ZNF469: variants seen among roughly 807,000 people sequenced by gnomAD.
ZNF469 encodes zinc finger protein 469.
In ZNF469, 1 loss-of-function variant was observed where a neutral mutation model predicts 1.0. That is an observed-to-expected ratio of 1.00 (90% confidence interval 0.35 to 4.73). The LOEUF (loss-of-function observed/expected upper bound fraction) is 4.73. Among genes scored for constraint, ZNF469 ranks in the 30% most tolerant of loss-of-function variants. The pLI is 0.16. For synonymous variants in ZNF469, 2,703 were observed against 2,363.4 expected, an observed-to-expected ratio of 1.14 and a Z score of -4.17; for missense variants, 6,100 against 5,356.3, an observed-to-expected ratio of 1.14 and a Z score of -4.33.
At position 88,395,789 on chromosome 16, in the gene ZNF469, C is replaced by T. The variant is rs189601216; in HGVS notation, c.-192+12535C>T. Among the ~76,000 whole-genome samples the T allele has an allele frequency of 5.3e-5, 8 of 152,356 alleles. No individual in the cohort carries two copies. The South Asian group carries it at 1.0e-3, about 20-fold the overall frequency. On this transcript the variant is annotated intron_variant, in intron 1 of 2. Transcript: ENST00000565624. Reference sequence around the variant, plus strand: ...TGGGCCATTCCACAGCCAGTAAGAGCTGCCACCATGCGGGGTGCACATGGC... The same window carrying T: ...TGGGCCATTCCACAGCCAGTAAGAGTTGCCACCATGCGGGGTGCACATGGC...
At position 88,436,738 on chromosome 16, in the gene ZNF469, C is replaced by G. The variant is rs764139968; in HGVS notation, c.9268C>G (p.Arg3090Gly). The G allele has an allele frequency of 5.2e-5, 81 of 1,548,460 alleles. 1 individual carries two copies. The South Asian group carries it at 9.0e-4, about 17-fold the overall frequency. Residue 3090 changes from arginine to glycine, a missense_variant, in exon 3 of 3, where the codon CGA (arginine) becomes GGA (glycine). Arg to Gly is a moderately radical substitution (Grantham distance 125). Transcript: ENST00000565624. ...GGCGAGCTCACAGGGGCCACAGAGC[C>G]GAAGGACAGAGGAGGCTGCAGGGGC... ...GTASSQGPQSRRTEEAAGAGR... is the reference protein window; with the variant it reads ...GTASSQGPQSGRTEEAAGAGR...
At chr16:88,337,729 C>A in the ZNF469 span, among the ~76,000 whole-genome samples, 4 of 152,176 alleles carry the variant, frequency 2.6e-5, no homozygotes, top group Non-Finnish European at 5.9e-5. Flanking sequence ...GGCAGCTCGC[C>A]GCAGCTGTGA....
rs4075519 is a variant in ZNF469, at chr16:88,389,816, T to A, written c.-192+6562T>A. Among the ~76,000 whole-genome samples, 30 of 151,656 alleles carry A rather than the reference T, an allele frequency of 2.0e-4. No homozygotes were observed. The South Asian group carries it at 4.4e-3, about 22-fold the overall frequency. On this transcript the variant is annotated intron_variant, in intron 1 of 2. Coordinates refer to ENST00000565624, the MANE Select transcript of ZNF469 (RefSeq NM_001367624.2). Reference sequence around the variant, plus strand: ...GCTGTGTCTTTGAACGACAGCGCAGTCCCCCAGGAGGCTCCCCCGCTGTGC... The same window carrying A: ...GCTGTGTCTTTGAACGACAGCGCAGACCCCCAGGAGGCTCCCCCGCTGTGC...
the ZNF469 span, among the ~76,000 whole-genome samples, chr16:88,262,615 C>T: frequency 6.6e-6 from 1 of 152,120 alleles, no homozygotes; most frequent in African/African-American, 2.4e-5. The surrounding 1 kb of genome is among the most constrained non-coding windows in gnomAD (Gnocchi z 4.3). Context: ...GAGACCCCAC[C>T]ACCTGGGGGG....
chr16:88,353,958 C>T, the ZNF469 span, among the ~76,000 whole-genome samples: 5 of 152,220 alleles, frequency 3.3e-5, no homozygotes, highest in African/African-American at 9.6e-5. Flanking sequence ...TCCTCACATC[C>T]GCCGTGAGGG....
At chr16:88,330,835 T>G in the ZNF469 span, among the ~76,000 whole-genome samples, 1 of 152,212 alleles carries the variant, frequency 6.6e-6, no homozygotes, top group South Asian at 2.1e-4. Context: ...CCTATGAGCC[T>G]CATCCACAAA....
At position 88,385,951 on chromosome 16, in the gene ZNF469, C is replaced by T. The variant is rs775553565; in HGVS notation, c.-192+2697C>T. On this transcript the variant is annotated intron_variant, in intron 1 of 2. Coordinates refer to ENST00000565624, the MANE Select transcript of ZNF469 (RefSeq NM_001367624.2). ...GCAGCCCATGGGTTTCAGGAGACTCCGTGGGACCTGTGGAGAGGGTTCTGA... is the reference window on the plus strand; with the variant it reads ...GCAGCCCATGGGTTTCAGGAGACTCTGTGGGACCTGTGGAGAGGGTTCTGA... 2.6e-5 allele frequency among the ~76,000 whole-genome samples: 4 copies of T among 152,154 alleles called. No homozygotes were observed. In the South Asian group the frequency reaches 6.2e-4, roughly 24 times the overall value.
chr16:88,127,499 G>T, the ZNF469 span, among the ~76,000 whole-genome samples: 2 of 152,160 alleles, frequency 1.3e-5, no homozygotes, highest in African/African-American at 2.4e-5. Flanking sequence ...TACTTGCATT[G>T]CAGCTTATGA....
chr16:88,187,416 GA>G, the ZNF469 span, among the ~76,000 whole-genome samples: 1 of 152,194 alleles, frequency 6.6e-6, no homozygotes, highest in Non-Finnish European at 1.5e-5. Flanking sequence ...ATACAGGAAG[GA>G]AAACCTCCGG....
chr16:88,427,091 G>C (rs1025750471), intron 2 of ZNF469, among the ~76,000 whole-genome samples: 7 of 151,436 alleles, frequency 4.6e-5, no homozygotes, highest in African/African-American at 1.7e-4. Flanking sequence ...CTCAATCTCT[G>C]CGCTCCACCG....
the ZNF469 span, among the ~76,000 whole-genome samples, chr16:88,154,307 G>A: frequency 1.2e-4 from 18 of 152,098 alleles, no homozygotes; most frequent in African/African-American, 3.1e-4. Flanking sequence ...ACAGGCATGC[G>A]CCACCACGCC....
rs765538457 is a variant in ZNF469 at position 88,435,402 on chromosome 16, G to T, written c.7932G>T (p.Arg2644=). Residue 2644 remains arginine (R), a synonymous_variant, in exon 3 of 3, where the codon CGG becomes CGT. Coordinates refer to ENST00000565624, the MANE Select transcript of ZNF469 (RefSeq NM_001367624.2). ...KRGKLRGRRL[R]EESILPVSAD... ...GAAAGCTGAGAGGGAGAAGGCTCCGGGAGGAGAGCATTCTTCCAGTCTCTG... is the reference window on the plus strand; with the variant it reads ...GAAAGCTGAGAGGGAGAAGGCTCCGTGAGGAGAGCATTCTTCCAGTCTCTG... 5 of 1,550,364 alleles carry T rather than the reference G, an allele frequency of 3.2e-6. No individual in the cohort carries two copies. The highest frequency in any genetic ancestry group is 4.4e-6 in the Non-Finnish European group (5 of 1,147,000).
At chr16:88,223,957 G>T in the ZNF469 span, among the ~76,000 whole-genome samples, 1 of 152,250 alleles carries the variant, frequency 6.6e-6, no homozygotes, top group African/African-American at 2.4e-5. Context: ...ACGAGCGGAG[G>T]AATGGGGGTT....
chr16:88,344,791 G>A, the ZNF469 span, among the ~76,000 whole-genome samples: 9 of 152,328 alleles, frequency 5.9e-5, no homozygotes, highest in Non-Finnish European at 8.8e-5. Context: ...TGTGTGCCCC[G>A]TGTCCCAGAG....
the ZNF469 span, among the ~76,000 whole-genome samples, chr16:88,180,991 T>C: frequency 6.6e-6 from 1 of 152,090 alleles, no homozygotes; most frequent in Admixed American, 6.5e-5. Context: ...AGTAAGGATG[T>C]AGAACCCTGA....
At chr16:88,291,598 C>T in the ZNF469 span, among the ~76,000 whole-genome samples, 1 of 152,126 alleles carries the variant, frequency 6.6e-6, no homozygotes, top group South Asian at 2.1e-4. Context: ...ACTGGACTTG[C>T]CTCCCTAGTT....
At chr16:88,403,257 C>T (rs1023279163) in intron 1 of ZNF469, among the ~76,000 whole-genome samples, 1 of 152,240 alleles carries the variant, frequency 6.6e-6, no homozygotes, top group Admixed American at 6.5e-5. Flanking sequence ...TCCCTGCTGT[C>T]TCACACCTGC....
At chr16:88,164,870 A>C in the ZNF469 span, among the ~76,000 whole-genome samples, 1 of 152,182 alleles carries the variant, frequency 6.6e-6, no homozygotes, top group African/African-American at 2.4e-5. Flanking sequence ...AGCACAGGAC[A>C]CTTCCCGTGG....
Position 88,433,641 on chromosome 16 carries a change from C to T in ZNF469, c.6171C>T (p.Ser2057=), listed in dbSNP as rs1597211050. The part of the protein sequence containing the change: ...SLQEEAEPTP[S]PPSPNRESLA... ...AGGAGGAGGCCGAGCCCACCCCAAG[C>T]CCCCCGTCCCCTAATAGGGAGTCCC... Residue 2057 remains serine (S), a synonymous_variant, in exon 3 of 3, where the codon AGC becomes AGT. Coordinates refer to ENST00000565624, the MANE Select transcript of ZNF469 (RefSeq NM_001367624.2). 1 of 1,550,156 alleles carries T rather than the reference C, an allele frequency of 6.5e-7. No homozygotes were observed. The highest frequency in any genetic ancestry group is 2.4e-5 in the East Asian group (1 of 40,914).
Sources: allele counts gnomAD v4.1 joint callset (sites outside exome capture counted in the v4.1 genomes callset), GRCh38; gene constraint gnomAD v4.1.1; non-coding constraint Gnocchi (gnomAD v3.1); transcripts MANE v1.5; gene names NCBI Gene and HGNC (gene_info 2026-07-23, HGNC 2026-07-21).